The following LAMA3 variants were observed in gnomAD, a reference collection of about 807,000 sequenced individuals.
LAMA3 encodes laminin subunit alpha 3.
In LAMA3, 281 loss-of-function variants were observed where a neutral mutation model predicts 402.0. The ratio of observed to expected loss-of-function variants is 0.70; its 90% CI spans 0.63 to 0.77. The LOEUF is 0.77. Ranked by LOEUF, LAMA3 falls within the 30% of genes least tolerant of loss-of-function variation. The pLI is 0.00. For synonymous variants in LAMA3, 1,431 were observed against 1,558.4 expected (o/e 0.92, Z 1.93); for missense variants, 3,840 against 4,215.5 (o/e 0.91, Z 2.47).
chr18:23,850,392 G>T (rs1872902770), intron 32 of LAMA3, among the ~76,000 whole-genome samples: 1 of 152,226 alleles, frequency 6.6e-6, no homozygotes, highest in African/African-American at 2.4e-5. Flanking sequence ...GAGGCAATAA[G>T]TTGGAACCAT....
intron 12 of LAMA3, 75 bp downstream of exon 12, chr18:23,784,232 T>G: frequency 1.3e-6 from 2 of 1,566,792 alleles, no homozygotes; most frequent in Non-Finnish European, 1.8e-6. Context: ...TGCAGATCTT[T>G]CTGGCAGAGC....
intron 8 of LAMA3, 78 bp downstream of exon 8, chr18:23,763,601 G>A (rs1458513469): frequency 1.1e-6 from 1 of 915,372 alleles, no homozygotes. Context: ...CTGAAGAGAT[G>A]TCAAGAAAGT....
At chr18:23,768,711 A>G (rs1267850391) in intron 8 of LAMA3, among the ~76,000 whole-genome samples, 1 of 152,238 alleles carries the variant, frequency 6.6e-6, no homozygotes, top group African/African-American at 2.4e-5. Flanking sequence ...AGCATTATTT[A>G]CAATAACAAA....
At chr18:23,790,091 G>T (rs2062621007) in intron 12 of LAMA3, among the ~76,000 whole-genome samples, 1 of 152,124 alleles carries the variant, frequency 6.6e-6, no homozygotes. Flanking sequence ...ATAGTTGCAG[G>T]GTGGTGAGTA....
intron 38 of LAMA3, among the ~76,000 whole-genome samples, chr18:23,874,925 G>A (rs569886556): frequency 1.8e-4 from 28 of 152,204 alleles, no homozygotes; most frequent in African/African-American, 5.3e-4. Flanking sequence ...GTGTGGTGGC[G>A]CAGTCGTGGC....
Position 23,689,885 on chromosome 18 carries a change from G to C in LAMA3, c.202G>C (p.Glu68Gln). 1 of 1,542,184 alleles carries C rather than the reference G, an allele frequency of 6.5e-7. No homozygotes were observed. The highest frequency in any genetic ancestry group is 1.2e-5 in the South Asian group (1 of 82,718). The part of the protein sequence containing the change: ...ARIWATATCG[E>Q]RGPGEGRPQP... Reference sequence around the variant, plus strand: ...GATTTGGGCCACCGCCACCTGCGGGGAGAGGGGACCCGGCGAGGGGAGGCC... The same window carrying C: ...GATTTGGGCCACCGCCACCTGCGGGCAGAGGGGACCCGGCGAGGGGAGGCC... Residue 68 changes from glutamate to glutamine, a missense_variant, in exon 1 of 75, where the codon GAG (glutamate) becomes CAG (glutamine). Physicochemically the swap from Glu to Gln is conservative, Grantham distance 29. This residue lies in a region of LAMA3 where 2,109 missense variants were observed against 2,376.0 expected (regional missense o/e 0.89). Coordinates refer to ENST00000313654, the MANE Select transcript of LAMA3 (RefSeq NM_198129.4).
At chr18:23,906,388 T>A (rs1178006527) in intron 52 of LAMA3, among the ~76,000 whole-genome samples, 1 of 152,240 alleles carries the variant, frequency 6.6e-6, no homozygotes, top group African/African-American at 2.4e-5. Flanking sequence ...GCATGAGAAT[T>A]TTTTAAGCAT....
At chr18:23,699,269 C>T (rs2060748475) in intron 1 of LAMA3, among the ~76,000 whole-genome samples, 1 of 152,184 alleles carries the variant, frequency 6.6e-6, no homozygotes, top group Admixed American at 6.5e-5. Flanking sequence ...TGAGTGAGAC[C>T]TCTGTGGTCT....
At chr18:23,929,522 C>T (rs1322723105) in intron 64 of LAMA3, among the ~76,000 whole-genome samples, 2 of 150,184 alleles carry the variant, frequency 1.3e-5, no homozygotes, top group African/African-American at 2.5e-5. Flanking sequence ...TCAGGAAGGC[C>T]GCCCCTCTCT....
intron 33 of LAMA3, 61 bp downstream of exon 33, chr18:23,858,049 TGA>T: frequency 1.3e-6 from 2 of 1,596,942 alleles, no homozygotes; most frequent in Non-Finnish European, 1.7e-6. Flanking sequence ...TGCTTCATGT[TGA>T]GTCAACATAG....
At chr18:23,815,798 A>G (rs1390014902) in intron 17 of LAMA3, among the ~76,000 whole-genome samples, 1 of 152,220 alleles carries the variant, frequency 6.6e-6, no homozygotes, top group East Asian at 1.9e-4. Flanking sequence ...GGGTTTAATG[A>G]TAAGAAACAT....
chr18:23,796,159 C>T (rs1484044682), intron 12 of LAMA3: 1 of 358,712 alleles, frequency 2.8e-6, no homozygotes, highest in East Asian at 9.0e-5. Context: ...GCCCACCAGT[C>T]TATGGTATTT....
chr18:23,914,218 G>A (rs2081530967), intron 56 of LAMA3, among the ~76,000 whole-genome samples, 192 bp from the exon 57 acceptor site: 1 of 152,184 alleles, frequency 6.6e-6, no homozygotes, highest in African/African-American at 2.4e-5. Flanking sequence ...TATAACATGA[G>A]CAGAGACAGC....
At chr18:23,856,507 G>C (rs887399047) in intron 32 of LAMA3, among the ~76,000 whole-genome samples, 1 of 152,162 alleles carries the variant, frequency 6.6e-6, no homozygotes, top group East Asian at 1.9e-4. Flanking sequence ...CAGGGCTCGC[G>C]GCACTTTCTC....
chr18:23,692,131 A>G (rs577972607), intron 1 of LAMA3, among the ~76,000 whole-genome samples: 23 of 152,198 alleles, frequency 1.5e-4, no homozygotes, highest in Non-Finnish European at 2.2e-4. Context: ...CTAAGCTACT[A>G]AATCATGGTA....
chr18:23,858,444 C>G (rs2064136632), intron 33 of LAMA3, among the ~76,000 whole-genome samples: 1 of 152,124 alleles, frequency 6.6e-6, no homozygotes, highest in South Asian at 2.1e-4. Flanking sequence ...TGCTATTTCT[C>G]TACTTGCAAG....
chr18:23,716,662 G>C (rs2061105929), intron 2 of LAMA3, among the ~76,000 whole-genome samples: 1 of 152,070 alleles, frequency 6.6e-6, no homozygotes, highest in African/African-American at 2.4e-5. Context: ...CATAGGAACA[G>C]TTCAGTACTT....
intron 37 of LAMA3, among the ~76,000 whole-genome samples, chr18:23,870,294 C>G (rs568316423): frequency 6.6e-6 from 1 of 151,854 alleles, no homozygotes; most frequent in East Asian, 1.9e-4. Flanking sequence ...CAGAGCAAGA[C>G]TTTGTCTCAA....
chr18:23,758,525 T>G lies in LAMA3; in HGVS notation c.1063+14T>G. On this transcript the variant is annotated intron_variant, in intron 7 of 74. Transcript: ENST00000313654. ...ACGAGTGTGAAGGTGGGTGTGGGGA[T>G]GGGGTGGGGGCCACACGTGGCCTTC... 1 of 1,587,992 alleles carries G rather than the reference T, an allele frequency of 6.3e-7. No individual in the cohort carries two copies. Among genetic ancestry groups the G allele is most frequent in the East Asian group, 2.3e-5 (1 of 44,116 alleles).
Sources: allele counts gnomAD v4.1 joint callset (sites outside exome capture counted in the v4.1 genomes callset), GRCh38; gene constraint gnomAD v4.1.1; regional missense constraint gnomAD v4.1.1; transcripts MANE v1.5; gene names NCBI Gene and HGNC (gene_info 2026-07-23, HGNC 2026-07-21).